The following HEATR5B variants were observed in gnomAD, a reference collection of about 807,000 sequenced individuals.
HEATR5B encodes HEAT repeat containing 5B, also known as HEAT repeat-containing protein 5B.
Under a neutral mutation model 224.1 loss-of-function variants are expected in HEATR5B, and 156 were observed. That is an observed-to-expected ratio of 0.70 (90% CI 0.61 to 0.80). The LOEUF is 0.80. Among genes scored for constraint, HEATR5B ranks in the 30% least tolerant of loss-of-function variants. The pLI is 0.00. For synonymous variants in HEATR5B, 1,027 were observed against 893.0 expected, an observed-to-expected ratio of 1.15 and a Z score of -2.68; for missense variants, 2,323 against 2,535.5, an observed-to-expected ratio of 0.92 and a Z score of 1.80.
chr2:37,015,533 G>T (rs540196875), intron 26 of HEATR5B, among the ~76,000 whole-genome samples: 1 of 152,296 alleles, frequency 6.6e-6, no homozygotes, highest in South Asian at 2.1e-4. Context: ...ATTTTAGGGG[G>T]CGGGTGAAGG....
At chr2:36,984,804 ATTACT>A (rs891214296) in intron 35 of HEATR5B, among the ~76,000 whole-genome samples, 35 of 152,270 alleles carry the variant, frequency 2.3e-4, no homozygotes, top group African/African-American at 8.2e-4. Flanking sequence ...GAGAGATAAA[ATTACT>A]TTAGGTAAAT....
intron 27 of HEATR5B, among the ~76,000 whole-genome samples, chr2:37,009,900 G>A (rs1028114073): frequency 6.6e-6 from 1 of 151,492 alleles, no homozygotes; most frequent in Non-Finnish European, 1.5e-5. Context: ...ACATCAGAAA[G>A]GATTTCCATA....
intron 12 of HEATR5B, among the ~76,000 whole-genome samples, chr2:37,059,444 GTGTATATATATATATA>G (rs1671128042): frequency 1.9e-5 from 1 of 52,596 alleles, no homozygotes; most frequent in African/African-American, 6.9e-5. Flanking sequence ...GTGTGTGTGT[GTGTATATATATATATA>G]TATATTTTTT....
At chr2:37,022,589 A>G (rs1398526000) in intron 24 of HEATR5B, among the ~76,000 whole-genome samples, 1 of 152,252 alleles carries the variant, frequency 6.6e-6, no homozygotes, top group African/African-American at 2.4e-5. Flanking sequence ...AACTTTATTT[A>G]CAAAAAAGGC....
At chr2:36,987,785 T>C (rs1394233749) in intron 35 of HEATR5B, among the ~76,000 whole-genome samples, 1 of 152,100 alleles carries the variant, frequency 6.6e-6, no homozygotes, top group Non-Finnish European at 1.5e-5. Flanking sequence ...TAAAACCCTA[T>C]GAAATGGGCA....
chr2:37,032,796 G>A (rs781452803), intron 21 of HEATR5B, 23 bp from the exon 22 acceptor site: 1 of 1,602,870 alleles, frequency 6.2e-7, no homozygotes, highest in Admixed American at 1.7e-5. Context: ...ACAATGTTAG[G>A]CGATTTCTCT....
intron 22 of HEATR5B, among the ~76,000 whole-genome samples, chr2:37,030,796 T>C (rs1178881791): frequency 6.6e-6 from 1 of 152,240 alleles, no homozygotes; most frequent in Admixed American, 6.5e-5. Flanking sequence ...CTAGTGGTTT[T>C]TACCAGGTGC....
Position 37,002,411 on chromosome 2 carries a change from G to C in HEATR5B, c.5212C>G (p.Pro1738Ala). Residue 1738 changes from proline (P) to alanine (A), a missense_variant, in exon 32 of 36, where the codon CCA (proline) becomes GCA (alanine). By Grantham distance (27) the Pro-to-Ala change is conservative. This residue lies in a region of HEATR5B where 844 missense variants were observed against 812.9 expected (regional missense o/e 1.04). Transcript: ENST00000233099. Reference protein sequence around the residue: ...PHLSTKVSDSPSHIATKTRLS... With the variant: ...PHLSTKVSDSASHIATKTRLS... ...CGAGTTTTAGTGGCTATGTGACTTG[G>C]AGAGTCTGACACCTTGGTACTGAGA... 1 of 1,614,194 alleles carries C rather than the reference G, an allele frequency of 6.2e-7. No individual in the cohort carries two copies. The highest frequency in any genetic ancestry group is 8.5e-7 in the Non-Finnish European group (1 of 1,180,042).
At chr2:37,047,281 C>G (rs1354320948) in intron 18 of HEATR5B, among the ~76,000 whole-genome samples, 1 of 152,092 alleles carries the variant, frequency 6.6e-6, no homozygotes, top group African/African-American at 2.4e-5. Context: ...GTAATCTTTA[C>G]CTCTCTAAGC....
At chr2:37,071,997 T>C (rs1211719604) in intron 6 of HEATR5B, 113 bp downstream of exon 6, 9 of 870,106 alleles carry the variant, frequency 1.0e-5, no homozygotes, top group Non-Finnish European at 1.4e-5. Context: ...TTCTTTCATT[T>C]TATGGAAAAG....
At chr2:36,988,598 T>C in intron 35 of HEATR5B, 48 bp downstream of exon 35, 1 of 1,469,846 alleles carries the variant, frequency 6.8e-7, no homozygotes, top group Non-Finnish European at 9.5e-7. Flanking sequence ...TTATATACAA[T>C]ACAGATCTTC....
intron 9 of HEATR5B, among the ~76,000 whole-genome samples, chr2:37,065,392 C>T (rs1021630884): frequency 6.6e-6 from 1 of 151,820 alleles, no homozygotes; most frequent in Non-Finnish European, 1.5e-5. Context: ...CGGCTCACTG[C>T]AACCTATGCC....
At chr2:37,045,117 G>A (rs992644787) in intron 18 of HEATR5B, among the ~76,000 whole-genome samples, 2 of 151,948 alleles carry the variant, frequency 1.3e-5, no homozygotes, top group Admixed American at 6.6e-5. Context: ...AGGTTTTCCT[G>A]TACTTCCTTG....
chr2:37,011,702 T>C (rs1361545879), intron 27 of HEATR5B, among the ~76,000 whole-genome samples: 1 of 152,216 alleles, frequency 6.6e-6, no homozygotes, highest in African/African-American at 2.4e-5. Flanking sequence ...CCAGTTTTCC[T>C]ACAGTTGAAA....
Position 37,019,830 on chromosome 2 carries a change from A to G in HEATR5B, c.4083T>C (p.Asp1361=), listed in dbSNP as rs1309453659. ...RPAFSQDTPS[D]IIAKACQVCS... is the part of the protein sequence containing the mutation. ...TTACCTGGCAAGCTTTCGCTATTAT[A>G]TCTGATGGTGTATCTTGTGAAAAGG... The change falls in exon 26 of 36, where the codon GAT becomes GAC. Residue 1361 remains aspartate, a synonymous_variant. Transcript: ENST00000233099. The G allele has an allele frequency of 1.2e-6, 2 of 1,609,688 alleles. No homozygotes were observed. The highest frequency in any genetic ancestry group is 1.3e-5 in the African/African-American group (1 of 74,810).
chr2:37,025,785 A>G (rs571601434), intron 24 of HEATR5B, among the ~76,000 whole-genome samples: 2 of 152,342 alleles, frequency 1.3e-5, no homozygotes, highest in South Asian at 2.1e-4. Flanking sequence ...GATTTTCACT[A>G]TTCCCTAAAT....
intron 35 of HEATR5B, among the ~76,000 whole-genome samples, chr2:36,984,610 A>G (rs1488121897): frequency 6.6e-6 from 1 of 152,160 alleles, no homozygotes; most frequent in East Asian, 1.9e-4. Context: ...AGAAAAAACA[A>G]CTGAAGAAAG....
chr2:36,999,719 T>G (rs1233218415), intron 33 of HEATR5B, among the ~76,000 whole-genome samples: 4 of 151,572 alleles, frequency 2.6e-5, no homozygotes, highest in African/African-American at 9.7e-5. Flanking sequence ...ATGTATATAT[T>G]TAAAACCTCC....
chr2:37,025,309 G>A (rs1372108542), intron 24 of HEATR5B, among the ~76,000 whole-genome samples: 37 of 152,016 alleles, frequency 2.4e-4, no homozygotes. Context: ...CCTCCACACT[G>A]AGAGAAAATT....
Sources: gnomAD v4.1 joint callset for allele counts (sites outside exome capture counted in the v4.1 genomes callset) on GRCh38, gnomAD v4.1.1 for gene constraint, gnomAD v4.1.1 regional missense constraint, MANE v1.5 for transcripts, NCBI Gene and HGNC (gene_info 2026-07-23, HGNC 2026-07-21) for gene names.